LCORL: variants seen among roughly 807,000 people sequenced by gnomAD.
LCORL encodes ligand dependent nuclear receptor corepressor like.
Under a neutral mutation model 141.8 loss-of-function variants are expected in LCORL, and 41 were observed. The ratio of observed to expected loss-of-function variants is 0.29; its 90% CI spans 0.23 to 0.38. LCORL has a LOEUF of 0.38. Among genes scored for constraint, LCORL ranks in the 10% least tolerant of loss-of-function variants. The pLI, the probability that LCORL is intolerant of heterozygous loss-of-function variation, is 1.00. For missense variants in LCORL, 1,759 were observed against 2,035.0 expected, an observed-to-expected ratio of 0.86 and a Z score of 2.61; for synonymous variants, 618 against 694.1, an observed-to-expected ratio of 0.89 and a Z score of 1.72.
chr4:17,903,857 A>G (rs948240483), intron 5 of LCORL, among the ~76,000 whole-genome samples: 1 of 152,062 alleles, frequency 6.6e-6, no homozygotes, highest in Non-Finnish European at 1.5e-5. Flanking sequence ...GTAAACAGAC[A>G]TTTGAAGAAA....
At chr4:17,905,032 G>A (rs920720252) in intron 5 of LCORL, among the ~76,000 whole-genome samples, 7 of 151,956 alleles carry the variant, frequency 4.6e-5, no homozygotes, top group African/African-American at 1.7e-4. Context: ...TTCTCCATAA[G>A]ACCTGACATA....
At chr4:17,939,855 C>G (rs2109468115) in intron 4 of LCORL, among the ~76,000 whole-genome samples, 1 of 140,728 alleles carries the variant, frequency 7.1e-6, no homozygotes, top group South Asian at 2.2e-4. Context: ...AAAAATAAAC[C>G]TGGGGAAAAG....
chr4:17,938,165 C>T (rs542063219), intron 4 of LCORL, among the ~76,000 whole-genome samples: 68 of 151,340 alleles, frequency 4.5e-4, no homozygotes, highest in African/African-American at 1.6e-3. Flanking sequence ...GCCACCACGC[C>T]TGGCTAATTT....
intron 4 of LCORL, among the ~76,000 whole-genome samples, chr4:17,922,877 A>G (rs1577430117): frequency 6.6e-6 from 1 of 152,142 alleles, no homozygotes; most frequent in East Asian, 1.9e-4. Flanking sequence ...CAACATCCCC[A>G]ACACATCCCT....
chr4:17,873,310 G>T, intron 7 of LCORL, 78 bp downstream of exon 7: 1 of 914,888 alleles, frequency 1.1e-6, no homozygotes, highest in Non-Finnish European at 1.4e-6. Context: ...AACTGCATCA[G>T]CTGTTCCTTT....
chr4:17,845,827 A>C, exon 8 of LCORL: 3 of 1,613,654 alleles, frequency 1.9e-6, no homozygotes, highest in Non-Finnish European at 8.5e-7. Context: ...GCACATCTTA[A>C]TGGGGCTCAA....
At chr4:17,860,773 G>A (rs966962800) in intron 7 of LCORL, among the ~76,000 whole-genome samples, 12 of 152,232 alleles carry the variant, frequency 7.9e-5, no homozygotes, top group Non-Finnish European at 1.3e-4. Flanking sequence ...TAGAGGCATT[G>A]AGTAAATACA....
At chr4:17,939,111 G>A (rs1167908226) in intron 4 of LCORL, among the ~76,000 whole-genome samples, 1 of 152,184 alleles carries the variant, frequency 6.6e-6, no homozygotes, top group African/African-American at 2.4e-5. Flanking sequence ...AATTAAAAAT[G>A]AGCAAATGAC....
chr4:17,930,783 T>C (rs1735910113), intron 4 of LCORL, among the ~76,000 whole-genome samples: 1 of 152,226 alleles, frequency 6.6e-6, no homozygotes, highest in Admixed American at 6.5e-5. Context: ...AATGAGATAC[T>C]ATTTCACGGA....
intron 7 of LCORL, among the ~76,000 whole-genome samples, chr4:17,864,958 T>C (rs1725468060): frequency 6.6e-6 from 1 of 152,192 alleles, no homozygotes; most frequent in African/African-American, 2.4e-5. Flanking sequence ...TACCTAACAA[T>C]TCTAAATGCA....
intron 4 of LCORL, among the ~76,000 whole-genome samples, chr4:17,950,547 C>T (rs1038035442): frequency 2.6e-5 from 4 of 152,020 alleles, no homozygotes; most frequent in African/African-American, 9.7e-5. Flanking sequence ...GCCAATCAGG[C>T]TTGGAGGAAA....
At chr4:17,873,414 A>T in exon 7 of LCORL, 1 of 1,233,800 alleles carries the variant, frequency 8.1e-7, no homozygotes. Context: ...ATAGTTTGCC[A>T]TTTGTCCACT....
chr4:17,933,581 TA>T (rs966297310), intron 4 of LCORL, among the ~76,000 whole-genome samples: 1 of 152,116 alleles, frequency 6.6e-6, no homozygotes, highest in African/African-American at 2.4e-5. Flanking sequence ...GGATTTTGTG[TA>T]AGGTGTTTTA....
intron 5 of LCORL, among the ~76,000 whole-genome samples, chr4:17,897,281 G>A (rs1730129071): frequency 8.3e-6 from 1 of 119,924 alleles, no homozygotes; most frequent in Non-Finnish European, 1.7e-5. Flanking sequence ...GGGATTGCTG[G>A]ATCATATAGT....
At chr4:17,922,873 C>T (rs1651639769) in intron 4 of LCORL, among the ~76,000 whole-genome samples, 1 of 152,172 alleles carries the variant, frequency 6.6e-6, no homozygotes. Context: ...GTGTCAACAT[C>T]CCCAACACAT....
At chr4:17,955,628 A>G (rs1423829744) in intron 4 of LCORL, among the ~76,000 whole-genome samples, 1 of 152,142 alleles carries the variant, frequency 6.6e-6, no homozygotes, top group African/African-American at 2.4e-5. Flanking sequence ...GAGAGAGAAA[A>G]TAACTTCCTA....
intron 1 of LCORL, among the ~76,000 whole-genome samples, chr4:17,984,180 T>C (rs908945694): frequency 1.3e-5 from 2 of 152,212 alleles, no homozygotes; most frequent in African/African-American, 2.4e-5. Flanking sequence ...CAGTATTTTG[T>C]TGAGGATTTT....
Position 17,985,620 on chromosome 4 carries a change from T to A in LCORL, c.155-12735A>T, listed in dbSNP as rs551826891. ...TTTTTCTCATTTCCGTTTGGTAGAT[T>A]TTCCTCCATCCTTTTATTTTCAGCC... On this transcript the variant is annotated intron_variant, in intron 1 of 7. Transcript: ENST00000635767. Among the ~76,000 whole-genome samples, 4 of 152,186 alleles carry A rather than the reference T, an allele frequency of 2.6e-5. No individual in the cohort carries two copies. In the South Asian group the frequency reaches 8.3e-4, roughly 32 times the overall value.
chr4:17,880,611 CTTTTCTTTTT>C (rs1727437032), intron 6 of LCORL: 1 of 981,094 alleles, frequency 1.0e-6, no homozygotes, highest in Non-Finnish European at 1.2e-6. Flanking sequence ...TTTTTCTTTT[CTTTTCTTTTT>C]TTCTTTTACT....
Sources: allele counts gnomAD v4.1 joint callset (sites outside exome capture counted in the v4.1 genomes callset), GRCh38; gene constraint gnomAD v4.1.1; transcripts MANE v1.5; gene names NCBI Gene and HGNC (gene_info 2026-07-23, HGNC 2026-07-21).